CNTNAP5: variants seen among roughly 807,000 people sequenced by gnomAD.
CNTNAP5 encodes contactin-associated protein-like 5.
In CNTNAP5, 72 loss-of-function variants were observed where a neutral mutation model predicts 150.2. The ratio of observed to expected loss-of-function variants is 0.48; its 90% confidence interval spans 0.40 to 0.58. CNTNAP5 has a LOEUF of 0.58. Among genes scored for constraint, CNTNAP5 ranks in the 20% least tolerant of loss-of-function variants. The probability of loss-of-function intolerance (pLI) is 0.00; values close to 1 mark genes in which losing one functional copy is unlikely to be tolerated. For missense variants in CNTNAP5, 1,636 were observed against 1,626.2 expected (o/e 1.01, Z -0.10); for synonymous variants, 672 against 619.8 (o/e 1.08, Z -1.25).
At chr2:124,651,122 C>A (rs1013589775) in intron 13 of CNTNAP5, among the ~76,000 whole-genome samples, 1 of 152,102 alleles carries the variant, frequency 6.6e-6, no homozygotes, top group African/African-American at 2.4e-5. Flanking sequence ...GTGATAAGTG[C>A]AAAGGTGGGG....
At chr2:124,503,414 G>C (rs1429746211) in intron 7 of CNTNAP5, among the ~76,000 whole-genome samples, 1 of 152,156 alleles carries the variant, frequency 6.6e-6, no homozygotes, top group Non-Finnish European at 1.5e-5. Flanking sequence ...TTAAATTCAG[G>C]TAGCCATTCA....
chr2:124,148,234 G>T (rs575370471), intron 1 of CNTNAP5, among the ~76,000 whole-genome samples: 1 of 151,694 alleles, frequency 6.6e-6, no homozygotes, highest in African/African-American at 2.4e-5. Flanking sequence ...AGGAGGCAGA[G>T]CTTGCAGTGA....
chr2:124,082,993 C>T (rs951455968), intron 1 of CNTNAP5, among the ~76,000 whole-genome samples: 1 of 152,140 alleles, frequency 6.6e-6, no homozygotes, highest in Non-Finnish European at 1.5e-5. Flanking sequence ...GGATCATTTA[C>T]TTACTGTTGT....
In CNTNAP5 at chr2:124,556,908, G is replaced by A. The variant is rs577152574; in HGVS notation, c.1650-6309G>A. On this transcript the variant is annotated intron_variant, in intron 10 of 23. Transcript: ENST00000682447. ...TAACAAGGATCAAGGTGAGCTGGAT[G>A]GGTAAATTGAATTTTTCAGCAGACT... 2.2e-4 allele frequency among the ~76,000 whole-genome samples: 33 copies of A among 151,990 alleles called. No homozygotes were observed. In the East Asian group the frequency reaches 5.2e-3, roughly 24 times the overall value.
At chr2:124,353,066 C>G (rs915076373) in intron 3 of CNTNAP5, among the ~76,000 whole-genome samples, 1 of 152,004 alleles carries the variant, frequency 6.6e-6, no homozygotes, top group Non-Finnish European at 1.5e-5. Flanking sequence ...CCACATTGAG[C>G]GAGGTCTCCA....
chr2:124,683,675 G>A (rs191947856), intron 13 of CNTNAP5, among the ~76,000 whole-genome samples: 53 of 152,096 alleles, frequency 3.5e-4, no homozygotes, highest in African/African-American at 9.6e-4. Flanking sequence ...TTTCTGTTCC[G>A]TTAATCACTA....
At chr2:124,094,932 T>C (rs1395540892) in intron 1 of CNTNAP5, among the ~76,000 whole-genome samples, 1 of 152,192 alleles carries the variant, frequency 6.6e-6, no homozygotes, top group African/African-American at 2.4e-5. Flanking sequence ...GAATCCACCA[T>C]GGTGGGCACT....
chr2:124,439,668 A>C (rs192324862), intron 5 of CNTNAP5, among the ~76,000 whole-genome samples: 1 of 152,116 alleles, frequency 6.6e-6, no homozygotes, highest in Non-Finnish European at 1.5e-5. Context: ...ATTGAATCAC[A>C]TTGCTTCCTG....
Position 124,764,074 on chromosome 2 carries a change from T to A in CNTNAP5, c.2460T>A (p.Phe820Leu). ...AEFSADISFF[F>L]KTTALSGVFL... Reference sequence around the variant, plus strand: ...TCAGTGCCGATATTTCCTTCTTTTTTAAAACCACAGCATTATCCGGAGTTT... The same window carrying A: ...TCAGTGCCGATATTTCCTTCTTTTTAAAAACCACAGCATTATCCGGAGTTT... The change falls in exon 16 of 24, where the codon TTT (phenylalanine) becomes TTA (leucine). Residue 820 changes from phenylalanine (F) to leucine (L), a missense_variant. By Grantham distance (22) the Phe-to-Leu change is conservative. Transcript: ENST00000682447. 1 of 1,613,310 alleles carries A rather than the reference T, an allele frequency of 6.2e-7. No homozygotes were observed. Among genetic ancestry groups the A allele is most frequent in the Non-Finnish European group, 8.5e-7 (1 of 1,179,408 alleles).
At chr2:124,698,784 C>G (rs1183274329) in intron 13 of CNTNAP5, among the ~76,000 whole-genome samples, 1 of 152,090 alleles carries the variant, frequency 6.6e-6, no homozygotes, top group Non-Finnish European at 1.5e-5. Context: ...ATCCTAGCCC[C>G]TGGGGAGCCT....
chr2:124,531,393 T>A (rs1695104962), intron 10 of CNTNAP5, among the ~76,000 whole-genome samples: 1 of 152,142 alleles, frequency 6.6e-6, no homozygotes, highest in East Asian at 1.9e-4. Context: ...GGTTCTGGTT[T>A]GTGGCCCAGG....
At chr2:124,704,333 G>T (rs545917926) in intron 13 of CNTNAP5, among the ~76,000 whole-genome samples, 1 of 152,138 alleles carries the variant, frequency 6.6e-6, no homozygotes, top group Non-Finnish European at 1.5e-5. Flanking sequence ...TAACACCTAA[G>T]TGAAGTGTTC....
rs147054634 is a variant in CNTNAP5, at chr2:124,670,505, A to T, written c.2077+22547A>T. On this transcript the variant is annotated intron_variant, in intron 13 of 23. Coordinates refer to ENST00000682447, the MANE Select transcript of CNTNAP5 (RefSeq NM_001367498.1). Reference sequence around the variant, plus strand: ...ACATATGACTGCAAATATTTTTCCCATTCTATCTTTTCACTTTATTGACAT... The same window carrying T: ...ACATATGACTGCAAATATTTTTCCCTTTCTATCTTTTCACTTTATTGACAT... Among the ~76,000 whole-genome samples the T allele has an allele frequency of 1.4e-3, 208 of 152,206 alleles. 2 individuals are homozygous for T. Among genetic ancestry groups the T allele is most frequent in the African/African-American group, 4.8e-3 (198 of 41,538 alleles).
rs1184348740 is a variant in CNTNAP5 at position 124,902,865 on chromosome 2, T to C, written c.3437-17T>C. ...ACAAAAAAAGTAAAGGACTTCTGAT[T>C]ATCTTTTACATTGCAGAGAATCTTG... On this transcript the variant is annotated splice_polypyrimidine_tract_variant and intron_variant, in intron 21 of 23. Transcript: ENST00000682447. The C allele has an allele frequency of 3.2e-6, 5 of 1,574,004 alleles. No individual in the cohort carries two copies. In the East Asian group the frequency reaches 1.1e-4, roughly 36 times the overall value.
At chr2:124,594,548 T>A (rs1450991762) in intron 11 of CNTNAP5, among the ~76,000 whole-genome samples, 3 of 146,328 alleles carry the variant, frequency 2.1e-5, no homozygotes, top group Non-Finnish European at 4.5e-5. Flanking sequence ...AGCCTTGTAG[T>A]ATAGTTTGAA....
At chr2:124,707,204 G>GAAGAAT (rs1010621414) in intron 13 of CNTNAP5, among the ~76,000 whole-genome samples, 33 of 142,538 alleles carry the variant, frequency 2.3e-4, no homozygotes, top group Non-Finnish European at 4.5e-4. Flanking sequence ...AGAAGAAGAA[G>GAAGAAT]AATAAACAAC....
chr2:124,499,165 A>C (rs915860083), intron 7 of CNTNAP5, among the ~76,000 whole-genome samples: 3 of 152,174 alleles, frequency 2.0e-5, no homozygotes, highest in Non-Finnish European at 4.4e-5. Context: ...TTTTTCCCTA[A>C]ATATTTGTAA....
chr2:124,764,567 C>T (rs78245044), intron 16 of CNTNAP5, among the ~76,000 whole-genome samples: 2 of 152,140 alleles, frequency 1.3e-5, no homozygotes, highest in South Asian at 2.1e-4. Flanking sequence ...TTATTTCCCA[C>T]ACTAGGAGCG....
intron 11 of CNTNAP5, among the ~76,000 whole-genome samples, chr2:124,576,223 G>T (rs547324003): frequency 1.4e-4 from 22 of 152,016 alleles, no homozygotes; most frequent in African/African-American, 5.1e-4. Context: ...TTGTCATAGC[G>T]GGACATGCAA....
Sources: allele counts gnomAD v4.1 joint callset (sites outside exome capture counted in the v4.1 genomes callset), GRCh38; gene constraint gnomAD v4.1.1; transcripts MANE v1.5; gene names NCBI Gene and HGNC (gene_info 2026-07-23, HGNC 2026-07-21).